NRXN1: variants seen among roughly 807,000 people sequenced by gnomAD.
NRXN1 encodes the protein neurexin-1.
Under a neutral mutation model 150.9 loss-of-function variants are expected in NRXN1, and 39 were observed. The ratio of observed to expected loss-of-function variants is 0.26; its 90% confidence interval spans 0.20 to 0.34. The LOEUF (loss-of-function observed/expected upper bound fraction) is 0.34. Ranked by LOEUF, NRXN1 falls within the 10% of genes least tolerant of loss-of-function variation. The pLI is 1.00. For synonymous variants in NRXN1, 924 were observed against 757.0 expected (o/e 1.22, Z -3.62); for missense variants, 1,815 against 1,949.9 (o/e 0.93, Z 1.30).
chr2:50,890,599 T>A (rs1680903776), intron 5 of NRXN1, among the ~76,000 whole-genome samples: 1 of 151,906 alleles, frequency 6.6e-6, no homozygotes, highest in Non-Finnish European at 1.5e-5. Flanking sequence ...ATCAAATATA[T>A]CTGATATTTG....
intron 2 of NRXN1, among the ~76,000 whole-genome samples, chr2:50,990,124 C>A (rs1467910382): frequency 6.6e-6 from 1 of 151,908 alleles, no homozygotes; most frequent in Non-Finnish European, 1.5e-5. Flanking sequence ...GAACTGTCTG[C>A]TAAAATATTT....
chr2:50,097,683 A>G (rs1700421141), intron 18 of NRXN1, among the ~76,000 whole-genome samples: 1 of 151,234 alleles, frequency 6.6e-6, no homozygotes, highest in African/African-American at 2.4e-5. Flanking sequence ...CTTATTGCCC[A>G]GGCTGGAGTG....
chr2:50,096,684 G>T (rs1424370071), intron 18 of NRXN1, among the ~76,000 whole-genome samples: 1 of 152,088 alleles, frequency 6.6e-6, no homozygotes, highest in African/African-American at 2.4e-5. Flanking sequence ...ATTTAATGAA[G>T]ACTTTCCATG....
chr2:50,383,616 T>C (rs1476473135), intron 17 of NRXN1, among the ~76,000 whole-genome samples: 3 of 152,214 alleles, frequency 2.0e-5, no homozygotes, highest in Non-Finnish European at 2.9e-5. Flanking sequence ...TATGGCTTTA[T>C]TTTCTTCTCA....
intron 18 of NRXN1, among the ~76,000 whole-genome samples, chr2:50,225,379 C>T (rs751001349): frequency 2.0e-5 from 3 of 151,890 alleles, no homozygotes; most frequent in Non-Finnish European, 2.9e-5. Flanking sequence ...TATGAAAATA[C>T]GGACATGTAA....
intron 5 of NRXN1, among the ~76,000 whole-genome samples, chr2:50,891,731 T>C (rs1681093552): frequency 6.6e-6 from 1 of 152,092 alleles, no homozygotes; most frequent in Admixed American, 6.6e-5. Flanking sequence ...TGATACAGTT[T>C]CTCTTGGAAT....
intron 9 of NRXN1, among the ~76,000 whole-genome samples, chr2:50,550,977 A>G (rs371695663): frequency 6.6e-6 from 1 of 151,542 alleles, no homozygotes; most frequent in African/African-American, 2.4e-5. Context: ...CACCGCGCCC[A>G]GCCTCTTCTC....
chr2:50,870,129 G>T (rs1677550786), intron 5 of NRXN1, among the ~76,000 whole-genome samples: 1 of 151,542 alleles, frequency 6.6e-6, no homozygotes, highest in Non-Finnish European at 1.5e-5. Flanking sequence ...AATCTGTGTT[G>T]GCATATCAAA....
intron 5 of NRXN1, among the ~76,000 whole-genome samples, chr2:50,814,030 G>A (rs951839262): frequency 6.6e-6 from 1 of 152,104 alleles, no homozygotes; most frequent in African/African-American, 2.4e-5. Flanking sequence ...AAAATTGAGG[G>A]CAAAATTTTG....
At chr2:50,864,605 A>G (rs946696655) in intron 5 of NRXN1, among the ~76,000 whole-genome samples, 13 of 152,044 alleles carry the variant, frequency 8.6e-5, no homozygotes, top group African/African-American at 3.1e-4. Context: ...TAGAACCCAC[A>G]ACCCCCCATA....
intron 18 of NRXN1, among the ~76,000 whole-genome samples, chr2:50,167,839 G>T (rs1027284560): frequency 6.6e-6 from 1 of 152,052 alleles, no homozygotes. Context: ...TCTAATTTAT[G>T]GCCTCTGAGC....
chr2:49,957,001 G>A lies in NRXN1; in HGVS notation c.4129-13210C>T, dbSNP rs1349368362. Among the ~76,000 whole-genome samples the A allele has an allele frequency of 2.0e-5, 3 of 152,158 alleles. No homozygotes were observed. The South Asian group carries it at 6.2e-4, about 31-fold the overall frequency. ...TTCCTAAGAGAGGTGAGTTGGAACT[G>A]ATGAAATTGAGATAGATGCTAAGTG... On this transcript the variant is annotated intron_variant, in intron 21 of 22. Coordinates refer to ENST00000401669, the MANE Select transcript of NRXN1 (RefSeq NM_001330078.2).
intron 21 of NRXN1, among the ~76,000 whole-genome samples, chr2:49,982,818 C>T (rs565684155): frequency 9.2e-5 from 14 of 152,016 alleles, no homozygotes; most frequent in Non-Finnish European, 1.9e-4. Flanking sequence ...GTATTTTTTT[C>T]ATAACATAAG....
intron 9 of NRXN1, among the ~76,000 whole-genome samples, chr2:50,552,132 G>T (rs1296434395): frequency 2.0e-5 from 3 of 152,142 alleles, no homozygotes. Flanking sequence ...TGTTTTTAAT[G>T]CCATAGACTC....
intron 22 of NRXN1, among the ~76,000 whole-genome samples, chr2:49,931,612 AC>A (rs1670130140): frequency 6.6e-6 from 1 of 151,952 alleles, no homozygotes; most frequent in Non-Finnish European, 1.5e-5. Flanking sequence ...CTCAGGCCCA[AC>A]TTTCCATAAT....
chr2:50,827,685 G>A (rs1301982527), intron 5 of NRXN1, among the ~76,000 whole-genome samples: 2 of 152,062 alleles, frequency 1.3e-5, no homozygotes, highest in Non-Finnish European at 2.9e-5. Flanking sequence ...GGACAACAGT[G>A]GAGGGAAGGT....
chr2:50,346,925 C>G lies in NRXN1; in HGVS notation c.3365-109955G>C. The G allele has an allele frequency of 6.9e-6, 9 of 1,310,632 alleles. No individual in the cohort carries two copies. Among genetic ancestry groups the G allele is most frequent in the Non-Finnish European group, 8.7e-6 (9 of 1,029,534 alleles). 81.2% of individuals were successfully genotyped at this position (1,310,632 alleles called of 1,614,324 possible). A position where few individuals can be genotyped will look rare whatever the true frequency, so the allele number is the denominator to read the frequency against. ...CCCCCGGGCGAGCCCAGCTCGGCGCCGCACCGGAGCATCCTCTGGTACATG... is the reference window on the plus strand; with the variant it reads ...CCCCCGGGCGAGCCCAGCTCGGCGCGGCACCGGAGCATCCTCTGGTACATG... On this transcript the variant is annotated intron_variant, in intron 17 of 22. Transcript: ENST00000401669. The surrounding 1 kb of genome is among the most constrained non-coding windows in gnomAD (Gnocchi z 5.0).
At chr2:50,007,045 T>C (rs759607136) in intron 21 of NRXN1, among the ~76,000 whole-genome samples, 12 of 152,060 alleles carry the variant, frequency 7.9e-5, no homozygotes, top group Admixed American at 1.3e-4. Flanking sequence ...TAAGTTTCTG[T>C]GCTATCAAGG....
In NRXN1 at chr2:50,497,197, CCTT is replaced by C. The variant is rs138615652; in HGVS notation, c.2879+133_2879+135del. The C allele has an allele frequency of 3.3e-3, 1,743 of 524,194 alleles. 7 individuals are homozygous for C. The highest frequency in any genetic ancestry group is 4.6e-3 in the Non-Finnish European group (1,478 of 323,762). 32.5% of individuals were successfully genotyped at this position (524,194 alleles called of 1,614,324 possible). A position where few individuals can be genotyped will look rare whatever the true frequency, so the allele number is the denominator to read the frequency against. On this transcript the variant is annotated intron_variant, in intron 14 of 22. Transcript: ENST00000401669. Reference sequence around the variant, plus strand: ...ACCTAAGAGATGATTTAAACAAATGCCTTCTTATTTGTCCTCCACCTGCTCCGG... The same window carrying C: ...ACCTAAGAGATGATTTAAACAAATGCCTTATTTGTCCTCCACCTGCTCCGG...
Sources: gnomAD v4.1 joint callset for allele counts (sites outside exome capture counted in the v4.1 genomes callset) on GRCh38, gnomAD v4.1.1 for gene constraint, Gnocchi (gnomAD v3.1) non-coding constraint, MANE v1.5 for transcripts, NCBI Gene and HGNC (gene_info 2026-07-23, HGNC 2026-07-21) for gene names.